The following CENPU variants were observed in gnomAD, a reference collection of about 807,000 sequenced individuals.
The protein encoded by CENPU is KSHV latent nuclear antigen interacting protein 1.
A neutral mutation model predicts 56.7 loss-of-function variants in CENPU; 46 were observed. The ratio of observed to expected loss-of-function variants is 0.81; its 90% CI spans 0.64 to 1.04. CENPU has a LOEUF of 1.04. Among genes scored for constraint, CENPU ranks in the 50% least tolerant of loss-of-function variants. CENPU has a pLI of 0.00. For missense variants in CENPU, 510 were observed against 490.1 expected, an observed-to-expected ratio of 1.04 and a Z score of -0.38; for synonymous variants, 166 against 163.0, an observed-to-expected ratio of 1.02 and a Z score of -0.14.
At chr4:184,731,071 C>G (rs67490338) in intron 1 of CENPU, 103 bp from the exon 2 acceptor site, 1 of 145,102 alleles carries the variant, frequency 6.9e-6, no homozygotes, top group South Asian at 1.1e-4. Context: ...AAAAAAAAAA[C>G]AAGAACCCAT....
chr4:184,716,664 G>A (rs751148770), intron 5 of CENPU, 31 bp from the exon 6 acceptor site: 1 of 1,487,206 alleles, frequency 6.7e-7, no homozygotes, highest in South Asian at 1.2e-5. Flanking sequence ...CAGTACTTAT[G>A]TAGAAAATAG....
At chr4:184,702,977 T>G (rs1760589678) in intron 8 of CENPU, among the ~76,000 whole-genome samples, 1 of 152,206 alleles carries the variant, frequency 6.6e-6, no homozygotes. Flanking sequence ...CCACAGTTGA[T>G]GGGCACTTAG....
chr4:184,710,811 C>T (rs1033525851), intron 7 of CENPU, among the ~76,000 whole-genome samples: 4 of 152,168 alleles, frequency 2.6e-5, no homozygotes, highest in Non-Finnish European at 4.4e-5. Flanking sequence ...TACTATACAT[C>T]TGTAAGGTGT....
intron 4 of CENPU, among the ~76,000 whole-genome samples, chr4:184,721,711 G>C (rs6552808): frequency 6.6e-6 from 1 of 151,932 alleles, no homozygotes; most frequent in African/African-American, 2.4e-5. Context: ...ATAACAATTT[G>C]AAACATACAT....
chr4:184,707,207 T>C (rs1307646673), intron 8 of CENPU, among the ~76,000 whole-genome samples: 3 of 150,294 alleles, frequency 2.0e-5, no homozygotes, highest in Non-Finnish European at 2.9e-5. Flanking sequence ...ACCAAGAAAA[T>C]GGAGAAAGCT....
rs546686073 is a variant in CENPU at position 184,696,112 on chromosome 4, T to C, written c.1144-711A>G. Reference sequence around the variant, plus strand: ...TTTGTCATACTTTGATAGTTTGCTGTTTAATAGCATGTTTTCAAGATGACA... The same window carrying C: ...TTTGTCATACTTTGATAGTTTGCTGCTTAATAGCATGTTTTCAAGATGACA... On this transcript the variant is annotated intron_variant, in intron 12 of 12. Coordinates refer to ENST00000281453, the MANE Select transcript of CENPU (RefSeq NM_024629.4). 9.9e-4 allele frequency among the ~76,000 whole-genome samples: 151 copies of C among 152,294 alleles called. 1 individual carries two copies. Among genetic ancestry groups the C allele is most frequent in the African/African-American group, 3.4e-3 (143 of 41,550 alleles).
chr4:184,724,805 A>G, intron 4 of CENPU, 152 bp downstream of exon 4: 1 of 541,030 alleles, frequency 1.8e-6, no homozygotes, highest in South Asian at 2.9e-5. Flanking sequence ...AATTATTAAT[A>G]AAGTTTTTAT....
At chr4:184,711,090 C>T (rs1760907792) in intron 7 of CENPU, among the ~76,000 whole-genome samples, 1 of 149,140 alleles carries the variant, frequency 6.7e-6, no homozygotes, top group East Asian at 1.9e-4. Flanking sequence ...CTCCTGGGCT[C>T]AAGCAATCTC....
In CENPU at chr4:184,695,209, G is replaced by T; in HGVS notation, c.*79C>A. On this transcript the variant is annotated 3_prime_UTR_variant, in exon 13 of 13. Transcript: ENST00000281453. ...GCCATAACTTCTTTGCAAAACAATT[G>T]ATTTATAAAGGTACAGTTTCAGAAG... 1.0e-6 allele frequency: 1 copy of T among 956,116 alleles called. No individual in the cohort carries two copies. The highest frequency in any genetic ancestry group is 1.7e-6 in the Non-Finnish European group (1 of 604,104). 59.2% of individuals were successfully genotyped at this position (956,116 alleles called of 1,614,324 possible). A position where few individuals can be genotyped will look rare whatever the true frequency, so the allele number is the denominator to read the frequency against.
rs1491470488 is a variant in CENPU at position 184,730,937 on chromosome 4, TTC to T, written c.77_78del (p.Arg26AsnfsTer7). On this transcript the variant is annotated frameshift_variant, in exon 2 of 13. Transcript: ENST00000281453. LOFTEE classifies it high-confidence loss of function. ...GARRSKNTLE[R>X]THSMKDKAGQ... ...TAACTTACATCTTTCATGGAATGTG[TTC>T]TTTCTAAAGTGTTCTTTGAACGTCT... 6.3e-7 allele frequency: 1 copy of T among 1,582,096 alleles called. No homozygotes were observed. The highest frequency in any genetic ancestry group is 8.5e-7 in the Non-Finnish European group (1 of 1,171,056).
At chr4:184,717,062 A>G in intron 5 of CENPU, 74 bp downstream of exon 5, 1 of 940,904 alleles carries the variant, frequency 1.1e-6, no homozygotes, top group Non-Finnish European at 1.7e-6. Flanking sequence ...AATATTTTAC[A>G]GAACATTTTC....
chr4:184,702,205 T>TC, intron 9 of CENPU, 69 bp from the exon 10 acceptor site: 1 of 1,317,052 alleles, frequency 7.6e-7, no homozygotes, highest in Non-Finnish European at 1.1e-6. Context: ...TTCACATGTG[T>TC]CACATTTAGT....
At chr4:184,724,890 T>C (rs922942521) in intron 4 of CENPU, 67 bp downstream of exon 4, 23 of 1,025,446 alleles carry the variant, frequency 2.2e-5, no homozygotes, top group Middle Eastern at 2.1e-4. Flanking sequence ...TATTAGCTTC[T>C]ATCTTAAAGA....
At chr4:184,708,230 A>G (rs946718223) in intron 8 of CENPU, among the ~76,000 whole-genome samples, 3,170 of 102,930 alleles carry the variant, frequency 0.031, 42 homozygotes, top group Middle Eastern at 0.05. Flanking sequence ...CTCAAAAAAA[A>G]AAAAAAAAAA....
At position 184,694,867 on chromosome 4, in the gene CENPU, AT is replaced by A; in HGVS notation, c.*420del. On this transcript the variant is annotated 3_prime_UTR_variant, in exon 13 of 13. Transcript: ENST00000281453. ...TAAATATATCATTCAACCTGTTTAT[AT>A]AAACTAAGTTTTATTACTTTGCTTT... The A allele has an allele frequency of 8.7e-7, 1 of 1,154,042 alleles. No homozygotes were observed. Among genetic ancestry groups the A allele is most frequent in the Admixed American group, 2.4e-5 (1 of 41,078 alleles). 71.5% of individuals were successfully genotyped at this position (1,154,042 alleles called of 1,614,324 possible).
At chr4:184,696,883 C>CTTTT (rs11356233) in intron 12 of CENPU, among the ~76,000 whole-genome samples, 1 of 142,882 alleles carries the variant, frequency 7.0e-6, no homozygotes, top group African/African-American at 2.6e-5. Flanking sequence ...TGTTCCTTAA[C>CTTTT]TTTTTTTTTT....
rs1183622385 is a variant in CENPU at position 184,702,385 on chromosome 4, A to G, written c.854T>C (p.Val285Ala). 6.2e-7 allele frequency: 1 copy of G among 1,612,452 alleles called. No individual in the cohort carries two copies. Among genetic ancestry groups the G allele is most frequent in the Non-Finnish European group, 8.5e-7 (1 of 1,179,540 alleles). The stretch of plus-strand genomic sequence containing the variant: ...TACCATTTTGATGAATTGTTCTTTA[A>G]CATTAACATAAAATGTGGCGATGGC... ...KAAIATFYVN[V>A]KEQFIKMLKE... Residue 285 changes from valine (V) to alanine (A), a missense_variant, in exon 9 of 13, where the codon GTT becomes GCT. Physicochemically the swap from Val to Ala is moderately conservative, Grantham distance 64. Transcript: ENST00000281453.
intron 4 of CENPU, among the ~76,000 whole-genome samples, chr4:184,723,532 T>C (rs531008501): frequency 6.6e-6 from 1 of 152,340 alleles, no homozygotes; most frequent in Admixed American, 6.5e-5. Context: ...TGACTTTTAC[T>C]GATTTTCAGT....
chr4:184,702,507 G>GCATA, intron 8 of CENPU, 66 bp from the exon 9 acceptor site: 1 of 1,165,776 alleles, frequency 8.6e-7, no homozygotes, highest in Non-Finnish European at 1.2e-6. Context: ...CATTTGCTTA[G>GCATA]CATACAAACA....
Sources: gnomAD v4.1 joint callset for allele counts (sites outside exome capture counted in the v4.1 genomes callset) on GRCh38, gnomAD v4.1.1 for gene constraint, MANE v1.5 for transcripts, NCBI Gene and HGNC (gene_info 2026-07-23, HGNC 2026-07-21) for gene names.